Variants in OPCML observed in about 807,000 individuals in gnomAD.
OPCML encodes the protein opioid binding protein/cell adhesion molecule like, also known as opioid-binding protein/cell adhesion molecule.
In OPCML, 13 loss-of-function variants were observed where a neutral mutation model predicts 37.8. The observed-to-expected ratio is 0.34, with a 90% CI of 0.22 to 0.55. The LOEUF is 0.55. Ranked by LOEUF, OPCML falls within the 20% of genes least tolerant of loss-of-function variation. OPCML has a pLI of 0.91. For synonymous variants in OPCML, 176 were observed against 168.8 expected, an observed-to-expected ratio of 1.04 and a Z score of -0.33; for missense variants, 341 against 435.6, an observed-to-expected ratio of 0.78 and a Z score of 1.93.
chr11:133,083,965 A>G (rs567680141), intron 1 of OPCML, among the ~76,000 whole-genome samples: 1 of 152,242 alleles, frequency 6.6e-6, no homozygotes, highest in South Asian at 2.1e-4. Flanking sequence ...TATTGTCTGG[A>G]ATTGTTATTT....
Position 133,172,272 on chromosome 11 carries a change from A to G in OPCML, c.62-229262T>C, listed in dbSNP as rs76845932. Among the ~76,000 whole-genome samples the G allele has an allele frequency of 3.3e-3, 504 of 152,272 alleles. 5 individuals are homozygous for G. Among genetic ancestry groups the G allele is most frequent in the African/African-American group, 0.012 (494 of 41,554 alleles). ...TTATAGAGATCATGGATCAGTAGAA[A>G]AAATTCAGATGCATTTGCCATACAA... is the stretch of plus-strand genomic sequence containing the variant. On this transcript the variant is annotated intron_variant, in intron 1 of 7. Transcript: ENST00000524381.
At chr11:132,562,969 A>G (rs1223496414) in intron 3 of OPCML, among the ~76,000 whole-genome samples, 1 of 144,496 alleles carries the variant, frequency 6.9e-6, no homozygotes, top group African/African-American at 2.6e-5. Flanking sequence ...TAAGACATTA[A>G]TAGGCAATGT....
chr11:133,026,696 T>C lies in OPCML; in HGVS notation c.62-83686A>G, dbSNP rs947165428. ...GCTCTTACGATAAGGAACCTGTGTT[T>C]AGCAGTAATTCATCTGCAACAGTTG... On this transcript the variant is annotated intron_variant, in intron 1 of 7. Coordinates refer to ENST00000524381, the MANE Select transcript of OPCML (RefSeq NM_001012393.5). The C allele has an allele frequency of 7.1e-6, 4 of 560,578 alleles. No individual in the cohort carries two copies. The East Asian group carries it at 6.1e-4, about 85-fold the overall frequency. 34.7% of individuals were successfully genotyped at this position (560,578 alleles called of 1,614,324 possible).
chr11:133,316,864 C>T (rs1943216308), intron 1 of OPCML, among the ~76,000 whole-genome samples: 1 of 152,108 alleles, frequency 6.6e-6, no homozygotes. Context: ...GGCTATTTTT[C>T]CCAAACTCAG....
rs545073411 is a variant in OPCML at position 132,836,983 on chromosome 11, G to A, written c.146+105943C>T. Among the ~76,000 whole-genome samples, 13 of 152,248 alleles carry A rather than the reference G, an allele frequency of 8.5e-5. No homozygotes were observed. The South Asian group carries it at 1.7e-3, about 19-fold the overall frequency. The stretch of plus-strand genomic sequence containing the variant: ...GTGAACGATCACAGAGGGAAAGTGC[G>A]TGAGACCAAAAAACGAGAAGTGGAA... On this transcript the variant is annotated intron_variant, in intron 2 of 7. Transcript: ENST00000524381.
chr11:132,822,332 A>G (rs1365605130), intron 2 of OPCML, among the ~76,000 whole-genome samples: 1 of 152,058 alleles, frequency 6.6e-6, no homozygotes, highest in African/African-American at 2.4e-5. Flanking sequence ...AAGTGGTTCC[A>G]TATTTCTTTC....
intron 1 of OPCML, among the ~76,000 whole-genome samples, chr11:133,482,274 G>A (rs769070729): frequency 2.0e-5 from 3 of 152,188 alleles, no homozygotes; most frequent in Admixed American, 6.5e-5. Flanking sequence ...GAACATCTGA[G>A]AGGAAATGGG....
chr11:132,941,527 C>T (rs567616192), intron 2 of OPCML, among the ~76,000 whole-genome samples: 10 of 152,216 alleles, frequency 6.6e-5, no homozygotes, highest in South Asian at 4.1e-4. Flanking sequence ...ACTGCAAATG[C>T]GTATTGGGAA....
chr11:133,495,307 T>C (rs1005158976), intron 1 of OPCML, among the ~76,000 whole-genome samples: 1 of 152,228 alleles, frequency 6.6e-6, no homozygotes, highest in Non-Finnish European at 1.5e-5. Flanking sequence ...CATTGATTGA[T>C]TGGTATTTGG....
At chr11:132,716,400 ATCTATCTGTCTG>A (rs1488663741) in intron 2 of OPCML, among the ~76,000 whole-genome samples, 13 of 45,986 alleles carry the variant, frequency 2.8e-4, no homozygotes, top group African/African-American at 1.8e-3. Context: ...TTATCTATCT[ATCTATCTGTCTG>A]TCTATCTATC....
At chr11:133,245,431 A>G (rs1158264119) in intron 1 of OPCML, among the ~76,000 whole-genome samples, 1 of 152,186 alleles carries the variant, frequency 6.6e-6, no homozygotes, top group East Asian at 1.9e-4. Flanking sequence ...GCCAGGTCAA[A>G]GCCTTCTGAA....
rs2095947441 is a variant in OPCML, at chr11:132,418,817, C to G, written c.*1376G>C. On this transcript the variant is annotated 3_prime_UTR_variant, in exon 8 of 8. Coordinates refer to ENST00000524381, the MANE Select transcript of OPCML (RefSeq NM_001012393.5). ...TGCTAAGGAAAGCCAGCCATAGGTTCCTGACATGTACTTTCTTGAAGGGTT... is the reference window on the plus strand; with the variant it reads ...TGCTAAGGAAAGCCAGCCATAGGTTGCTGACATGTACTTTCTTGAAGGGTT... 6.6e-6 allele frequency: 1 copy of G among 152,550 alleles called. No individual in the cohort carries two copies. Among genetic ancestry groups the G allele is most frequent in the Non-Finnish European group, 1.5e-5 (1 of 68,034 alleles). 9.4% of individuals were successfully genotyped at this position (152,550 alleles called of 1,614,324 possible). A position where few individuals can be genotyped will look rare whatever the true frequency, so the allele number is the denominator to read the frequency against.
Position 132,564,548 on chromosome 11 carries a change from C to T in OPCML, c.380-35362G>A, listed in dbSNP as rs191603346. Among the ~76,000 whole-genome samples, 209 of 152,268 alleles carry T rather than the reference C, an allele frequency of 1.4e-3. 3 individuals carry two copies. The South Asian group carries it at 0.026, about 19-fold the overall frequency. ...GTGGAGGTTGCCATTTCTGGAGCTCCGCATAAACTGATTATACTGAGGAAG... is the reference window on the plus strand; with the variant it reads ...GTGGAGGTTGCCATTTCTGGAGCTCTGCATAAACTGATTATACTGAGGAAG... On this transcript the variant is annotated intron_variant, in intron 3 of 7. Transcript: ENST00000524381.
intron 4 of OPCML, among the ~76,000 whole-genome samples, chr11:132,441,138 G>A (rs1352602336): frequency 6.7e-6 from 1 of 149,708 alleles, no homozygotes; most frequent in Non-Finnish European, 1.5e-5. Context: ...GAAAGATTCT[G>A]AAGATGTGTT....
intron 1 of OPCML, among the ~76,000 whole-genome samples, chr11:133,127,058 TA>T: frequency 6.6e-6 from 1 of 152,118 alleles, no homozygotes; most frequent in Admixed American, 6.5e-5. Context: ...TTTCAAAATA[TA>T]ATGAGAGTAT....
rs183182956 is a variant in OPCML at position 133,364,228 on chromosome 11, G to A, written c.61+168036C>T. On this transcript the variant is annotated intron_variant, in intron 1 of 7. Coordinates refer to ENST00000524381, the MANE Select transcript of OPCML (RefSeq NM_001012393.5). ...CTTAAGGGTATATTCCTACACGCAT[G>A]CACATGTGCATGTACAAACCACCTA... 9.2e-5 allele frequency among the ~76,000 whole-genome samples: 14 copies of A among 152,320 alleles called. No homozygotes were observed. The East Asian group carries it at 2.7e-3, about 29-fold the overall frequency.
intron 2 of OPCML, among the ~76,000 whole-genome samples, chr11:132,842,748 C>T (rs887195727): frequency 2.0e-5 from 3 of 152,170 alleles, no homozygotes; most frequent in Non-Finnish European, 1.5e-5. Flanking sequence ...AGACGCACTG[C>T]CAAAGCCACC....
intron 1 of OPCML, among the ~76,000 whole-genome samples, chr11:133,070,499 C>T (rs759605692): frequency 3.9e-5 from 6 of 152,168 alleles, no homozygotes; most frequent in African/African-American, 7.2e-5. Flanking sequence ...TGGCCAGAGG[C>T]GGGCCCACAA....
intron 4 of OPCML, among the ~76,000 whole-genome samples, chr11:132,517,478 A>T (rs559081529): frequency 1.1e-4 from 17 of 152,280 alleles, no homozygotes; most frequent in African/African-American, 4.1e-4. Context: ...TTATCTCCAG[A>T]GGTGGCTGCA....
Sources: allele counts gnomAD v4.1 joint callset (sites outside exome capture counted in the v4.1 genomes callset), GRCh38; gene constraint gnomAD v4.1.1; transcripts MANE v1.5; gene names NCBI Gene and HGNC (gene_info 2026-07-23, HGNC 2026-07-21).